DNAH1: variants seen among roughly 807,000 people sequenced by gnomAD.
DNAH1 encodes axonemal beta dynein heavy chain 1.
In DNAH1, 327 loss-of-function variants were observed where a neutral mutation model predicts 484.3. That is an observed-to-expected ratio of 0.68 (90% CI 0.62 to 0.74). The LOEUF is 0.74. Among genes scored for constraint, DNAH1 ranks in the 30% least tolerant of loss-of-function variants. DNAH1 has a pLI of 0.00. For missense variants in DNAH1, 5,052 were observed against 5,546.8 expected, an observed-to-expected ratio of 0.91 and a Z score of 2.83; for synonymous variants, 2,192 against 2,191.9, an observed-to-expected ratio of 1.00 and a Z score of 0.00.
chr3:52,395,067 C>CTGGA lies in DNAH1; in HGVS notation c.10968+9_10968+12dup. The CTGGA allele has an allele frequency of 6.2e-7, 1 of 1,604,398 alleles. No individual in the cohort carries two copies. The highest frequency in any genetic ancestry group is 8.5e-7 in the Non-Finnish European group (1 of 1,175,494). ...CGCTTCATTGAACCCCAGGCAAGTG[C>CTGGA]TGGAACCCTGGCAGGACTGGCACCT... On this transcript the variant is annotated intron_variant, in intron 68 of 77. Transcript: ENST00000420323. This position sits in a 1 kb window ranked among gnomAD's most constrained non-coding sequence, Gnocchi z 4.4.
chr3:52,394,011 G>A (rs1704508410), intron 66 of DNAH1, among the ~76,000 whole-genome samples: 1 of 152,256 alleles, frequency 6.6e-6, no homozygotes, highest in South Asian at 2.1e-4. Flanking sequence ...AGCCTTGAGT[G>A]TGCTGGTGAG....
rs764103151 is a variant in DNAH1 at position 52,372,301 on chromosome 3, G to A, written c.6741G>A (p.Leu2247=). 3.7e-6 allele frequency: 6 copies of A among 1,613,986 alleles called. 1 individual carries two copies. The South Asian group carries it at 6.6e-5, about 18-fold the overall frequency. ...ISDKLLKNLA[L]DYISHFLTFS... is the part of the protein sequence containing the mutation. Reference sequence around the variant, plus strand: ...ACAAGCTCCTCAAGAACCTGGCACTGGATTACATCAGCCACTTCCTCACCT... The same window carrying A: ...ACAAGCTCCTCAAGAACCTGGCACTAGATTACATCAGCCACTTCCTCACCT... Residue 2247 remains leucine (L), a synonymous_variant, in exon 43 of 78, where the codon CTG becomes CTA. Transcript: ENST00000420323.
chr3:52,358,060 AACG>A lies in DNAH1; in HGVS notation c.4086+58_4086+60del. 7.4e-7 allele frequency: 1 copy of A among 1,343,694 alleles called. No individual in the cohort carries two copies. The highest frequency in any genetic ancestry group is 1.0e-6 in the Non-Finnish European group (1 of 977,256). 83.2% of individuals were successfully genotyped at this position (1,343,694 alleles called of 1,614,324 possible). A position where few individuals can be genotyped will look rare whatever the true frequency, so the allele number is the denominator to read the frequency against. ...GAGCATGGGGCATCTTCCCAGGGAG[AACG>A]TCCCTCCCTTTGTGATGAGCCCTTT... is the stretch of plus-strand genomic sequence containing the variant. On this transcript the variant is annotated intron_variant, in intron 24 of 77. Transcript: ENST00000420323. This position sits in a 1 kb window ranked among gnomAD's most constrained non-coding sequence, Gnocchi z 4.2.
chr3:52,386,048 C>A, intron 54 of DNAH1, 112 bp from the exon 55 acceptor site: 1 of 1,257,918 alleles, frequency 7.9e-7, no homozygotes. Flanking sequence ...TGGCCTGTCA[C>A]AGCTGGAGGG....
intron 57 of DNAH1, 40 bp from the exon 58 acceptor site, chr3:52,388,378 G>C (rs1228550776): frequency 3.7e-6 from 6 of 1,601,760 alleles, no homozygotes; most frequent in Non-Finnish European, 5.1e-6. Flanking sequence ...CCCCTCCCGG[G>C]GGTACTTGGC....
rs767296953 is a variant in DNAH1 at position 52,398,109 on chromosome 3, C to T, written c.12036C>T (p.Tyr4012=). ...PINLQWVMAK[Y]PVLYEESMNT... ...ACTTGCAATGGGTGATGGCCAAGTA[C>T]CCAGTGCTGTATGAGGAATCAATGA... is the stretch of plus-strand genomic sequence containing the variant. The change falls in exon 75 of 78, where the codon TAC becomes TAT. Residue 4012 remains tyrosine (Y), a synonymous_variant. Transcript: ENST00000420323. 6.8e-6 allele frequency: 11 copies of T among 1,613,862 alleles called. No individual in the cohort carries two copies. In the East Asian group the frequency reaches 2.5e-4, roughly 36 times the overall value.
Position 52,320,028 on chromosome 3 carries a change from C to G in DNAH1, c.-34-2381C>G, listed in dbSNP as rs138551801. On this transcript the variant is annotated intron_variant, in intron 1 of 77. Transcript: ENST00000420323. ...TTATCTCCGAAGATCCTTATAACTC[C>G]TTATAATGCACCAGTAAAGCAAACC... is the stretch of plus-strand genomic sequence containing the variant. Among the ~76,000 whole-genome samples, 594 of 152,330 alleles carry G rather than the reference C, an allele frequency of 3.9e-3. 5 individuals are homozygous for G. Among genetic ancestry groups the G allele is most frequent in the South Asian group, 0.023 (112 of 4,834 alleles).
chr3:52,385,279 C>A (rs1704050201), intron 53 of DNAH1, 58 bp from the exon 54 acceptor site: 2 of 1,494,708 alleles, frequency 1.3e-6, no homozygotes, highest in African/African-American at 2.8e-5. Flanking sequence ...GCCCAGCAGG[C>A]CCTGTGCTCT....
chr3:52,375,993 C>G lies in DNAH1; in HGVS notation c.7198C>G (p.Pro2400Ala), dbSNP rs765237376. ...AGAAAAAAGCTACCGGGAGCGTGTG[C>G]GTAAGTGTGGGCCTGGGCGGGAATG... ...LGEKSYRERV[P>A]GAPHIAHFTE... Residue 2400 changes from proline to alanine, a missense_variant and splice_region_variant, in exon 46 of 78, where the codon CCT becomes GCT. Transcript: ENST00000420323. 1 of 1,611,770 alleles carries G rather than the reference C, an allele frequency of 6.2e-7. No homozygotes were observed. Among genetic ancestry groups the G allele is most frequent in the Non-Finnish European group, 8.5e-7 (1 of 1,179,264 alleles).
chr3:52,385,546 C>A, intron 54 of DNAH1, 99 bp downstream of exon 54: 1 of 931,684 alleles, frequency 1.1e-6, no homozygotes, highest in South Asian at 1.5e-5. Context: ...CACTGCAAGT[C>A]ATCTGGCCTC....
intron 9 of DNAH1, 47 bp downstream of exon 9, chr3:52,344,694 C>A (rs750788710): frequency 6.4e-7 from 1 of 1,572,696 alleles, no homozygotes; most frequent in East Asian, 2.3e-5. Flanking sequence ...TCCACCTGGC[C>A]AGAGCCCCCT....
intron 11 of DNAH1, among the ~76,000 whole-genome samples, chr3:52,347,288 C>T (rs924326965): frequency 1.3e-5 from 2 of 151,770 alleles, no homozygotes; most frequent in African/African-American, 2.4e-5. Flanking sequence ...ATAGGCCTGG[C>T]GCAGTTGAGG....
In DNAH1 at chr3:52,381,880, G is replaced by GGC. The variant is rs1703864225; in HGVS notation, c.7805+45_7805+46dup. On this transcript the variant is annotated intron_variant, in intron 49 of 77. Coordinates refer to ENST00000420323, the MANE Select transcript of DNAH1 (RefSeq NM_015512.5). The surrounding 1 kb of genome is among the most constrained non-coding windows in gnomAD (Gnocchi z 4.1). ...TGCTGGGCAGTGGGCGGCCAGGGCT[G>GGC]GCTGGTCGGTTTGACTGACCCATGC... 6.5e-7 allele frequency: 1 copy of GGC among 1,532,742 alleles called. No homozygotes were observed. The highest frequency in any genetic ancestry group is 8.8e-7 in the Non-Finnish European group (1 of 1,136,888). The allele number at this position is 1,532,742 out of a possible 1,614,324, so 94.9% of individuals were successfully genotyped here.
rs530432450 is a variant in DNAH1 at position 52,400,211 on chromosome 3, G to A, written c.12677-114G>A. ...CCTCATCAGGTAGGCTTCCTCTTGG[G>A]TCAGGGCCCCCTCCCTGTCCTCAGC... On this transcript the variant is annotated intron_variant, in intron 77 of 77. Coordinates refer to ENST00000420323, the MANE Select transcript of DNAH1 (RefSeq NM_015512.5). 57 of 1,457,258 alleles carry A rather than the reference G, an allele frequency of 3.9e-5. No individual in the cohort carries two copies. The Admixed American group carries it at 8.2e-4, about 21-fold the overall frequency. The allele number at this position is 1,457,258 out of a possible 1,614,324, so 90.3% of individuals were successfully genotyped here.
chr3:52,354,311 G>A (rs1702517039), intron 20 of DNAH1, among the ~76,000 whole-genome samples: 1 of 152,218 alleles, frequency 6.6e-6, no homozygotes, highest in Admixed American at 6.5e-5. Flanking sequence ...CTCCCAACAT[G>A]TGCGTACAAC....
chr3:52,393,154 A>G, intron 65 of DNAH1, 129 bp downstream of exon 65: 6 of 1,409,640 alleles, frequency 4.3e-6, no homozygotes, highest in Non-Finnish European at 5.9e-6. Flanking sequence ...CTCACAATAC[A>G]TAAGAATGCA....
intron 56 of DNAH1, among the ~76,000 whole-genome samples, chr3:52,387,478 C>G (rs1415142229): frequency 6.6e-6 from 1 of 152,240 alleles, no homozygotes; most frequent in Non-Finnish European, 1.5e-5. Context: ...CCACCATCCA[C>G]TGTGTGTCAG....
chr3:52,380,290 G>A (rs944853260), intron 48 of DNAH1, among the ~76,000 whole-genome samples, 155 bp downstream of exon 48: 16 of 152,160 alleles, frequency 1.1e-4, no homozygotes, highest in African/African-American at 3.4e-4. Flanking sequence ...GGAGACTCCC[G>A]GCATGCCCTT....
intron 36 of DNAH1, 85 bp downstream of exon 36, chr3:52,366,972 G>A: frequency 6.7e-7 from 1 of 1,490,912 alleles, no homozygotes; most frequent in South Asian, 1.3e-5. Context: ...CCCTCCATTA[G>A]CCCAGTGGAA....
Sources: gnomAD v4.1 joint callset for allele counts (sites outside exome capture counted in the v4.1 genomes callset) on GRCh38, gnomAD v4.1.1 for gene constraint, Gnocchi (gnomAD v3.1) non-coding constraint, MANE v1.5 for transcripts, NCBI Gene and HGNC (gene_info 2026-07-23, HGNC 2026-07-21) for gene names.